The following PROM2 variants were observed in gnomAD, a reference collection of about 807,000 sequenced individuals.
PROM2 encodes the protein prominin-2.
Under a neutral mutation model 110.2 loss-of-function variants are expected in PROM2, and 90 were observed. The ratio of observed to expected loss-of-function variants is 0.82; its 90% CI spans 0.69 to 0.97. PROM2 has a LOEUF of 0.97. Ranked by LOEUF, PROM2 falls within the 50% of genes least tolerant of loss-of-function variation. PROM2 has a pLI of 0.00. For synonymous variants in PROM2, 470 were observed against 467.8 expected (o/e 1.00, Z -0.06); for missense variants, 1,009 against 1,074.8 (o/e 0.94, Z 0.86).
chr2:95,283,643 C>T (rs1427638593), intron 14 of PROM2, among the ~76,000 whole-genome samples: 1 of 152,210 alleles, frequency 6.6e-6, no homozygotes, highest in East Asian at 1.9e-4. Context: ...ACCTGTGTAA[C>T]CTCGGCAAGT....
In PROM2 at chr2:95,275,528, A is replaced by G; in HGVS notation, c.294+18A>G. ...TGAATGAGGTGAGCAAGCTGGGGAA[A>G]GGTGCTGGGGGAGGGAGTTCTGGGG... On this transcript the variant is annotated intron_variant, in intron 2 of 23. Coordinates refer to ENST00000317620, the MANE Select transcript of PROM2 (RefSeq NM_001165978.3). The surrounding 1 kb of genome is among the most constrained non-coding windows in gnomAD (Gnocchi z 4.4). The G allele has an allele frequency of 1.2e-6, 2 of 1,613,494 alleles. No individual in the cohort carries two copies. The highest frequency in any genetic ancestry group is 2.2e-5 in the East Asian group (1 of 44,864).
At chr2:95,283,239 A>G (rs1104775) in intron 14 of PROM2, among the ~76,000 whole-genome samples, 120,135 of 152,202 alleles carry the variant, frequency 0.79, 47,721 homozygotes, top group African/African-American at 0.86. Context: ...CTCTACTGGC[A>G]GGAAGCCATG....
intron 10 of PROM2, among the ~76,000 whole-genome samples, 157 bp downstream of exon 10, chr2:95,279,301 ATT>A (rs1171088514): frequency 2.2e-5 from 3 of 135,782 alleles, no homozygotes. Context: ...TGTTTTTTTC[ATT>A]TTTTTTTTTT....
rs1558741050 is a variant in PROM2 at position 95,276,564 on chromosome 2, G to C, written c.619-30G>C. 2 of 1,613,842 alleles carry C rather than the reference G, an allele frequency of 1.2e-6. No homozygotes were observed. The highest frequency in any genetic ancestry group is 2.2e-5 in the South Asian group (2 of 91,076). On this transcript the variant is annotated intron_variant, in intron 4 of 23. Transcript: ENST00000317620. The surrounding 1 kb of genome is among the most constrained non-coding windows in gnomAD (Gnocchi z 4.6). ...CGTAAGGACTGTGGGTGACCAGGAAGGGCAGCCTCAGGGCCTTGTGTTTGC... is the reference window on the plus strand; with the variant it reads ...CGTAAGGACTGTGGGTGACCAGGAACGGCAGCCTCAGGGCCTTGTGTTTGC...
chr2:95,281,850 G>A, intron 12 of PROM2, 75 bp from the exon 13 acceptor site: 1 of 1,020,030 alleles, frequency 9.8e-7, no homozygotes, highest in Non-Finnish European at 1.5e-6. Flanking sequence ...AGCAGCACAG[G>A]GCCAGGCCCT....
chr2:95,274,982 A>C, intron 1 of PROM2, 153 bp downstream of exon 1: 3 of 954,256 alleles, frequency 3.1e-6, no homozygotes, highest in South Asian at 4.6e-5. Context: ...GGGCTCCAGA[A>C]CCTGCTGTGT....
chr2:95,283,331 T>G (rs1347386957), intron 14 of PROM2, among the ~76,000 whole-genome samples: 1 of 152,170 alleles, frequency 6.6e-6, no homozygotes, highest in Non-Finnish European at 1.5e-5. Flanking sequence ...AGATAGGGCT[T>G]TGGATTCAGA....
At chr2:95,278,550 A>G (rs1017637236) in intron 8 of PROM2, 171 bp from the exon 9 acceptor site, 94 of 720,056 alleles carry the variant, frequency 1.3e-4, no homozygotes, top group Non-Finnish European at 2.0e-4. Context: ...CGTTTTGGGA[A>G]GTTGAGTCAG....
chr2:95,282,552 G>A (rs1251552076), intron 14 of PROM2, among the ~76,000 whole-genome samples: 1 of 152,206 alleles, frequency 6.6e-6, no homozygotes, highest in Non-Finnish European at 1.5e-5. Flanking sequence ...GCTCCACTTG[G>A]GAGGGGGAGG....
chr2:95,288,509 G>T lies in PROM2; in HGVS notation c.2361G>T (p.Trp787Cys), dbSNP rs1208605313. Residue 787 changes from tryptophan (W) to cysteine (C), a missense_variant, in exon 22 of 24, where the codon TGG (tryptophan) becomes TGT (cysteine). Coordinates refer to ENST00000317620, the MANE Select transcript of PROM2 (RefSeq NM_001165978.3). Reference protein sequence around the residue: ...PWNAFWFCLAWCTFFLIPSII... With the variant: ...PWNAFWFCLACCTFFLIPSII... ...ATGCCTTCTGGTTCTGCCTGGCATG[G>T]TGCACCTTCTTCCTGATCCCCAGCA... The T allele has an allele frequency of 6.2e-7, 1 of 1,614,200 alleles. No homozygotes were observed. Among genetic ancestry groups the T allele is most frequent in the Non-Finnish European group, 8.5e-7 (1 of 1,180,014 alleles).
chr2:95,278,737 A>G lies in PROM2; in HGVS notation c.1067A>G (p.Asn356Ser). 1.9e-6 allele frequency: 3 copies of G among 1,614,054 alleles called. No individual in the cohort carries two copies. Among genetic ancestry groups the G allele is most frequent in the Non-Finnish European group, 2.5e-6 (3 of 1,180,032 alleles). The stretch of plus-strand genomic sequence containing the variant: ...TTCCTGCAGGAGAACAGCACCTTCA[A>G]CGCCCTTCCAGCCCTGGCTGCCATG... The part of the protein sequence containing the change: ...SMVQEENSTF[N>S]ALPALAAMQT... The change falls in exon 9 of 24, where the codon AAC (asparagine) becomes AGC (serine). Residue 356 changes from asparagine (N) to serine (S), a missense_variant. Physicochemically the swap from Asn to Ser is conservative, Grantham distance 46. Coordinates refer to ENST00000317620, the MANE Select transcript of PROM2 (RefSeq NM_001165978.3).
In PROM2 at chr2:95,287,431, C is replaced by T. The variant is rs1677433026; in HGVS notation, c.2211C>T (p.Tyr737=). 5 of 1,614,084 alleles carry T rather than the reference C, an allele frequency of 3.1e-6. No homozygotes were observed. The highest frequency in any genetic ancestry group is 3.3e-4 in the Middle Eastern group (2 of 6,036). The change falls in exon 20 of 24, where the codon TAC becomes TAT. Residue 737 remains tyrosine, a synonymous_variant. Coordinates refer to ENST00000317620, the MANE Select transcript of PROM2 (RefSeq NM_001165978.3). ...GTTTCCTGGCCCGGGAGATGGGCTA[C>T]TTCTCCCAGTACGTGGCCTGGGTGA... The part of the protein sequence containing the change: ...SECFLAREMG[Y]FSQYVAWVRE...
At position 95,279,917 on chromosome 2, in the gene PROM2, G is replaced by A; in HGVS notation, c.1347G>A (p.Leu449=). The A allele has an allele frequency of 6.4e-7, 1 of 1,556,616 alleles. No individual in the cohort carries two copies. Among genetic ancestry groups the A allele is most frequent in the Non-Finnish European group, 8.7e-7 (1 of 1,149,262 alleles). The change falls in exon 11 of 24, where the codon CTG becomes CTA. Residue 449 remains leucine (L), a synonymous_variant. Transcript: ENST00000317620. The part of the protein sequence containing the change: ...VVLCNLLGLN[L]GIWGLSARDD... ...TCTGCAACCTGCTGGGCCTCAATCTGGGCATCTGGGGCCTGTCTGCCAGGG... is the reference window on the plus strand; with the variant it reads ...TCTGCAACCTGCTGGGCCTCAATCTAGGCATCTGGGGCCTGTCTGCCAGGG...
intron 11 of PROM2, 25 bp from the exon 12 acceptor site, chr2:95,281,217 C>G (rs2104112092): frequency 6.2e-7 from 1 of 1,608,950 alleles, no homozygotes; most frequent in South Asian, 1.1e-5. Context: ...TGCTGTCCCT[C>G]AGTCCTGCCT....
chr2:95,289,213 A>T lies in PROM2; in HGVS notation c.*11-11A>T. ...CTCCCCTTCACCCGTTTCCTTCTTA[A>T]TCCCTGACAGGGTGAGGTGACCCTG... On this transcript the variant is annotated splice_polypyrimidine_tract_variant and intron_variant, in intron 23 of 23. Transcript: ENST00000317620. The T allele has an allele frequency of 1.7e-6, 1 of 583,234 alleles. No individual in the cohort carries two copies. Among genetic ancestry groups the T allele is most frequent in the Non-Finnish European group, 3.1e-6 (1 of 325,534 alleles). The allele number at this position is 583,234 out of a possible 1,614,324, so 36.1% of individuals were successfully genotyped here.
chr2:95,280,841 A>G (rs554087315), intron 11 of PROM2, among the ~76,000 whole-genome samples: 80 of 152,266 alleles, frequency 5.3e-4, no homozygotes, highest in African/African-American at 1.8e-3. Flanking sequence ...ACATGGTCTC[A>G]CTTATTGCCC....
Position 95,282,244 on chromosome 2 carries a change from A to T in PROM2, c.1728+18A>T. On this transcript the variant is annotated intron_variant, in intron 14 of 23. Coordinates refer to ENST00000317620, the MANE Select transcript of PROM2 (RefSeq NM_001165978.3). ...TCAACCAGGTGAGAGAACGTTTTGG[A>T]AACTGTGAGGAGCCCTCCTCAGATC... is the stretch of plus-strand genomic sequence containing the variant. 6.2e-7 allele frequency: 1 copy of T among 1,600,488 alleles called. No individual in the cohort carries two copies. Among genetic ancestry groups the T allele is most frequent in the Non-Finnish European group, 8.5e-7 (1 of 1,170,604 alleles).
Position 95,282,215 on chromosome 2 carries a change from G to T in PROM2, c.1717G>T (p.Asp573Tyr). 2 of 1,613,550 alleles carry T rather than the reference G, an allele frequency of 1.2e-6. No individual in the cohort carries two copies. Among genetic ancestry groups the T allele is most frequent in the Non-Finnish European group, 1.7e-6 (2 of 1,179,782 alleles). ...NDSYDLEEHL[D>Y]INQYTNKLRQ... Reference sequence around the variant, plus strand: ...CTCCTACGACCTGGAGGAGCACCTGGATATCAACCAGGTGAGAGAACGTTT... The same window carrying T: ...CTCCTACGACCTGGAGGAGCACCTGTATATCAACCAGGTGAGAGAACGTTT... The change falls in exon 14 of 24, where the codon GAT becomes TAT. Residue 573 changes from aspartate to tyrosine, a missense_variant. By Grantham distance (160) the Asp-to-Tyr change is radical. Transcript: ENST00000317620.
chr2:95,277,975 G>A lies in PROM2; in HGVS notation c.1021G>A (p.Glu341Lys), dbSNP rs75562780. Residue 341 changes from glutamate (E) to lysine (K), a missense_variant, in exon 8 of 24, where the codon GAG (glutamate) becomes AAG (lysine). Transcript: ENST00000317620. ...HVLHQLKGVP[E>K]ANFSSMVQEE... The stretch of plus-strand genomic sequence containing the variant: ...CCTGCACCAGCTAAAAGGTGTCCCC[G>A]AGGCCAACTTCTCCAGCATGGTCCA... 48 of 1,611,692 alleles carry A rather than the reference G, an allele frequency of 3.0e-5. No individual in the cohort carries two copies. The East Asian group carries it at 7.2e-4, about 24-fold the overall frequency.
Sources: allele counts gnomAD v4.1 joint callset (sites outside exome capture counted in the v4.1 genomes callset), GRCh38; gene constraint gnomAD v4.1.1; non-coding constraint Gnocchi (gnomAD v3.1); transcripts MANE v1.5; gene names NCBI Gene and HGNC (gene_info 2026-07-23, HGNC 2026-07-21).